Variants in CDH22 observed in about 807,000 individuals in gnomAD.
CDH22 encodes the protein cadherin-22.
A neutral mutation model predicts 58.4 loss-of-function variants in CDH22; 30 were observed. The ratio of observed to expected loss-of-function variants is 0.51; its 90% CI spans 0.38 to 0.70. The LOEUF (loss-of-function observed/expected upper bound fraction) is 0.70. Among genes scored for constraint, CDH22 ranks in the 30% least tolerant of loss-of-function variants. The pLI, the probability that CDH22 is intolerant of heterozygous loss-of-function variation, is 0.00. For missense variants in CDH22, 1,014 were observed against 1,233.9 expected (o/e 0.82, Z 2.67); for synonymous variants, 513 against 558.2 (o/e 0.92, Z 1.14).
chr20:46,255,074 T>G (rs2086399915), intron 1 of CDH22, among the ~76,000 whole-genome samples: 1 of 152,154 alleles, frequency 6.6e-6, no homozygotes, highest in East Asian at 1.9e-4. Context: ...CAGGCTGGAG[T>G]GCAGTGGCGT....
Position 46,253,593 on chromosome 20 carries a change from T to C in CDH22, c.-399-1900A>G, listed in dbSNP as rs377481530. 1.2e-4 allele frequency among the ~76,000 whole-genome samples: 18 copies of C among 152,324 alleles called. No individual in the cohort carries two copies. The East Asian group carries it at 3.3e-3, about 28-fold the overall frequency. ...CAGCCCTGCTCCGCAAGCCCTGCTC[T>C]GTGCTGCCACCTCCAGGGATCCGGC... On this transcript the variant is annotated intron_variant, in intron 1 of 11. Transcript: ENST00000537909.
intron 8 of CDH22, among the ~76,000 whole-genome samples, chr20:46,191,938 CCTT>C (rs1053248816): frequency 3.3e-5 from 5 of 152,146 alleles, no homozygotes; most frequent in African/African-American, 1.2e-4. Flanking sequence ...ACCCCTCCCT[CCTT>C]CTTTCACTCT....
chr20:46,202,326 C>A (rs538293885), intron 7 of CDH22, among the ~76,000 whole-genome samples: 2 of 152,018 alleles, frequency 1.3e-5, no homozygotes, highest in East Asian at 1.9e-4. Context: ...AAATTTGAAA[C>A]CAAATTGGGG....
intron 4 of CDH22, among the ~76,000 whole-genome samples, chr20:46,226,894 C>G (rs970061401): frequency 6.6e-6 from 1 of 152,192 alleles, no homozygotes; most frequent in African/African-American, 2.4e-5. Context: ...CAAGGCTTCT[C>G]AGAGATTAGT....
At chr20:46,244,046 C>T (rs1175197270) in intron 2 of CDH22, among the ~76,000 whole-genome samples, 1 of 152,166 alleles carries the variant, frequency 6.6e-6, no homozygotes, top group East Asian at 1.9e-4. Flanking sequence ...CCAAGCCCTA[C>T]TTGGCACAGG....
intron 4 of CDH22, among the ~76,000 whole-genome samples, chr20:46,226,669 C>T (rs2086177309): frequency 6.6e-6 from 1 of 152,096 alleles, no homozygotes; most frequent in South Asian, 2.1e-4. Flanking sequence ...TCCTCCTGCC[C>T]CACAGGGCTG....
In CDH22 at chr20:46,199,452, T is replaced by C. The variant is rs770412979; in HGVS notation, c.1394A>G (p.His465Arg). 1.2e-6 allele frequency: 2 copies of C among 1,613,000 alleles called. No homozygotes were observed. The highest frequency in any genetic ancestry group is 1.1e-5 in the South Asian group (1 of 91,036). The change falls in exon 8 of 12, where the codon CAC (histidine) becomes CGC (arginine). Residue 465 changes from histidine to arginine, a missense_variant. Around this residue, in one of 2 missense-constraint regions of CDH22, gnomAD observed 806 missense variants for 1,038.7 expected, o/e 0.78. Coordinates refer to ENST00000537909, the MANE Select transcript of CDH22 (RefSeq NM_021248.3). ...KGLDRETAGW[H>R]NITVLAMEAD... ...CTCCATGGCCAGCACTGTGATGTTG[T>C]GCCAGCCGGCCGTCTCGCGGTCCAG...
chr20:46,212,954 CCT>C, intron 6 of CDH22, 39 bp downstream of exon 6: 6 of 1,569,016 alleles, frequency 3.8e-6, no homozygotes, highest in Non-Finnish European at 5.3e-6. Flanking sequence ...TCCTCCCACC[CCT>C]GAGGCCTGCC....
chr20:46,240,074 C>CT (rs2086279140), intron 3 of CDH22, among the ~76,000 whole-genome samples: 1 of 151,848 alleles, frequency 6.6e-6, no homozygotes, highest in South Asian at 2.1e-4. Flanking sequence ...TGTCTGGGGG[C>CT]TTAGCCATCT....
rs541444293 is a variant in CDH22 at position 46,305,258 on chromosome 20, C to T, written c.-400+2997G>A. On this transcript the variant is annotated intron_variant, in intron 1 of 11. Coordinates refer to ENST00000537909, the MANE Select transcript of CDH22 (RefSeq NM_021248.3). The stretch of plus-strand genomic sequence containing the variant: ...AAAAGTTGAGGTCAGAGCCTGTCCT[C>T]GTGGTGAAATATCTAGGCTTTCTCT... 2.0e-5 allele frequency among the ~76,000 whole-genome samples: 3 copies of T among 152,322 alleles called. No individual in the cohort carries two copies. In the South Asian group the frequency reaches 6.2e-4, roughly 32 times the overall value.
chr20:46,232,506 C>T (rs2086226621), intron 3 of CDH22, among the ~76,000 whole-genome samples: 1 of 152,206 alleles, frequency 6.6e-6, no homozygotes, highest in South Asian at 2.1e-4. Context: ...GAGGTGACCA[C>T]ATGTCATTAT....
At chr20:46,188,151 T>C (rs1418497713) in intron 8 of CDH22, among the ~76,000 whole-genome samples, 4 of 152,134 alleles carry the variant, frequency 2.6e-5, no homozygotes, top group Non-Finnish European at 4.4e-5. Context: ...CCTGGAAAAA[T>C]TGAGACTGCA....
chr20:46,247,811 A>T (rs578191271), intron 2 of CDH22, among the ~76,000 whole-genome samples: 1 of 152,310 alleles, frequency 6.6e-6, no homozygotes, highest in African/African-American at 2.4e-5. Context: ...ATTTGCTAAG[A>T]GATGGAAACT....
At chr20:46,239,564 C>T (rs564299888) in intron 3 of CDH22, among the ~76,000 whole-genome samples, 2 of 152,378 alleles carry the variant, frequency 1.3e-5, no homozygotes, top group Non-Finnish European at 2.9e-5. Flanking sequence ...TGACAGCACC[C>T]TCTCCCAGGA....
At chr20:46,283,393 A>G (rs1287724675) in intron 1 of CDH22, among the ~76,000 whole-genome samples, 1 of 152,092 alleles carries the variant, frequency 6.6e-6, no homozygotes, top group Non-Finnish European at 1.5e-5. Flanking sequence ...CCACTTTCCC[A>G]TCCGTACACT....
intron 4 of CDH22, among the ~76,000 whole-genome samples, chr20:46,226,716 T>G (rs933094635): frequency 5.3e-5 from 8 of 152,192 alleles, no homozygotes; most frequent in Non-Finnish European, 8.8e-5. Context: ...CATTCTGTGC[T>G]GTCTGACATC....
At chr20:46,307,326 G>C (rs1354242276) in intron 1 of CDH22, among the ~76,000 whole-genome samples, 2 of 152,264 alleles carry the variant, frequency 1.3e-5, no homozygotes, top group African/African-American at 2.4e-5. Flanking sequence ...TGCCAGAGAA[G>C]AGGCAGCGGG....
chr20:46,285,966 T>C (rs1348679004), intron 1 of CDH22, among the ~76,000 whole-genome samples: 1 of 152,188 alleles, frequency 6.6e-6, no homozygotes, highest in Non-Finnish European at 1.5e-5. Flanking sequence ...AGGCTGTCTG[T>C]CCCAGCATTT....
Position 46,205,282 on chromosome 20 carries a change from G to A in CDH22, c.1286+5025C>T, listed in dbSNP as rs1685599448. Reference sequence around the variant, plus strand: ...ACCATTTCTCGAGGGCCTGCTATATGCTAAGCACTTAATCCTTCTTCCAAC... The same window carrying A: ...ACCATTTCTCGAGGGCCTGCTATATACTAAGCACTTAATCCTTCTTCCAAC... On this transcript the variant is annotated intron_variant, in intron 7 of 11. Coordinates refer to ENST00000537909, the MANE Select transcript of CDH22 (RefSeq NM_021248.3). Among the ~76,000 whole-genome samples, 2 of 151,662 alleles carry A rather than the reference G, an allele frequency of 1.3e-5. 1 individual carries two copies. Among genetic ancestry groups the A allele is most frequent in the South Asian group, 4.2e-4 (2 of 4,812 alleles).
Sources: gnomAD v4.1 joint callset for allele counts (sites outside exome capture counted in the v4.1 genomes callset) on GRCh38, gnomAD v4.1.1 for gene constraint, gnomAD v4.1.1 regional missense constraint, MANE v1.5 for transcripts, NCBI Gene and HGNC (gene_info 2026-07-23, HGNC 2026-07-21) for gene names.